Variants in STAG1 observed in about 807,000 individuals in gnomAD.
STAG1 encodes the protein cohesin subunit SA-1.
In STAG1, 26 loss-of-function variants were observed where a neutral mutation model predicts 170.9. That is an observed-to-expected ratio of 0.15 (90% CI 0.11 to 0.21). The LOEUF is 0.21. Among genes scored for constraint, STAG1 ranks in the 10% least tolerant of loss-of-function variants. The probability of loss-of-function intolerance (pLI) is 1.00; values close to 1 mark genes in which losing one functional copy is unlikely to be tolerated. For missense variants in STAG1, 964 were observed against 1,509.5 expected, an observed-to-expected ratio of 0.64 and a Z score of 5.99; for synonymous variants, 514 against 497.7, an observed-to-expected ratio of 1.03 and a Z score of -0.44.
intron 5 of STAG1, among the ~76,000 whole-genome samples, chr3:136,553,010 C>T (rs1429983040): frequency 1.3e-5 from 2 of 151,902 alleles, no homozygotes; most frequent in Non-Finnish European, 2.9e-5. Context: ...AAAAACAAGA[C>T]CACAGAAACA....
At chr3:136,568,935 TTGTG>T in intron 4 of STAG1, 74 bp from the exon 5 acceptor site, 1 of 996,304 alleles carries the variant, frequency 1.0e-6, no homozygotes, top group Non-Finnish European at 1.5e-6. Context: ...TCAAAAAAGT[TTGTG>T]TGTTTGTGTG....
intron 1 of STAG1, among the ~76,000 whole-genome samples, chr3:136,646,695 C>G (rs1160411679): frequency 2.6e-5 from 4 of 152,096 alleles, no homozygotes; most frequent in Admixed American, 6.6e-5. Context: ...ATCACGAGGT[C>G]AGGAGTTCAA....
chr3:136,561,603 A>G (rs1936842475), intron 5 of STAG1, among the ~76,000 whole-genome samples: 1 of 152,222 alleles, frequency 6.6e-6, no homozygotes, highest in Non-Finnish European at 1.5e-5. Context: ...TAGTTTTGCA[A>G]ACTGATTCTC....
intron 1 of STAG1, among the ~76,000 whole-genome samples, chr3:136,662,941 C>G (rs1326794183): frequency 6.6e-6 from 1 of 152,054 alleles, no homozygotes; most frequent in Admixed American, 6.6e-5. Flanking sequence ...ATCCCAGCTA[C>G]TTGGGAGGCT....
intron 28 of STAG1, among the ~76,000 whole-genome samples, chr3:136,354,098 C>T (rs1380497432): frequency 6.6e-6 from 1 of 152,134 alleles, no homozygotes; most frequent in Admixed American, 6.5e-5. Flanking sequence ...TCTATAAATA[C>T]ATACTGGCTT....
At chr3:136,380,103 T>C (rs1026825311) in intron 22 of STAG1, among the ~76,000 whole-genome samples, 1 of 152,174 alleles carries the variant, frequency 6.6e-6, no homozygotes, top group African/African-American at 2.4e-5. Context: ...ATTCCTATTT[T>C]ACAGACAAGA....
intron 1 of STAG1, among the ~76,000 whole-genome samples, chr3:136,741,930 A>G (rs28789998): frequency 1.3e-5 from 2 of 152,248 alleles, no homozygotes; most frequent in Non-Finnish European, 2.9e-5. Context: ...GCAGACTTCA[A>G]GGAAAAGATT....
intron 5 of STAG1, among the ~76,000 whole-genome samples, chr3:136,555,013 A>G (rs1023820270): frequency 1.3e-4 from 19 of 151,244 alleles, no homozygotes; most frequent in African/African-American, 4.4e-4. Flanking sequence ...AAAATTAATG[A>G]AAAGGGACAT....
chr3:136,738,869 TAC>T (rs1934496738), intron 1 of STAG1, among the ~76,000 whole-genome samples: 1 of 152,130 alleles, frequency 6.6e-6, no homozygotes, highest in Non-Finnish European at 1.5e-5. Flanking sequence ...TTCCATAATG[TAC>T]ACATATACCA....
intron 1 of STAG1, among the ~76,000 whole-genome samples, chr3:136,635,670 T>C (rs1431382059): frequency 6.6e-6 from 1 of 151,892 alleles, no homozygotes; most frequent in East Asian, 1.9e-4. Flanking sequence ...AAAGAAGAAA[T>C]AAAACTTTAT....
chr3:136,359,021 A>G (rs1936759709), intron 27 of STAG1, 127 bp downstream of exon 27: 3 of 788,748 alleles, frequency 3.8e-6, no homozygotes, highest in Middle Eastern at 2.6e-4. Context: ...TAGAATCTCT[A>G]AACTAATCTC....
At chr3:136,558,570 T>A (rs568744573) in intron 5 of STAG1, among the ~76,000 whole-genome samples, 4 of 152,236 alleles carry the variant, frequency 2.6e-5, no homozygotes, top group African/African-American at 9.6e-5. Context: ...AAAACCACAA[T>A]CTGATATTTG....
At chr3:136,379,629 A>G (rs534414256) in intron 22 of STAG1, among the ~76,000 whole-genome samples, 1 of 152,232 alleles carries the variant, frequency 6.6e-6, no homozygotes, top group Non-Finnish European at 1.5e-5. Flanking sequence ...GAATGGCTTG[A>G]ATCTGGGAGG....
intron 1 of STAG1, among the ~76,000 whole-genome samples, chr3:136,717,216 T>G (rs553158079): frequency 4.9e-4 from 74 of 152,320 alleles, no homozygotes; most frequent in Non-Finnish European, 3.2e-4. Context: ...CTTATGATAT[T>G]ATAATATCCC....
At chr3:136,540,260 A>T (rs932047514) in intron 6 of STAG1, among the ~76,000 whole-genome samples, 1 of 152,024 alleles carries the variant, frequency 6.6e-6, no homozygotes, top group African/African-American at 2.4e-5. Context: ...TCAAATATCT[A>T]GTAAGTATTT....
intron 23 of STAG1, among the ~76,000 whole-genome samples, chr3:136,370,051 CTATA>C (rs1937240325): frequency 0.21 from 54 of 252 alleles, no homozygotes; most frequent in Middle Eastern, 0.5. Context: ...TATGTATTTA[CTATA>C]CTATACTATA....
At chr3:136,623,309 C>T (rs1939947482) in intron 2 of STAG1, 61 bp from the exon 3 acceptor site, 3 of 1,486,300 alleles carry the variant, frequency 2.0e-6, no homozygotes, top group Non-Finnish European at 2.8e-6. Flanking sequence ...TTCTGTTTCA[C>T]TACTTTCCTT....
At chr3:136,463,735 A>ATGTGTGTGTGTGTGTGTG (rs140989476) in intron 13 of STAG1, among the ~76,000 whole-genome samples, 7 of 101,222 alleles carry the variant, frequency 6.9e-5, no homozygotes, top group African/African-American at 1.7e-4. Context: ...AAATGTGTAT[A>ATGTGTGTGTGTGTGTGTG]TGTGTGTGTG....
chr3:136,595,698 A>G (rs1309049960), intron 4 of STAG1, among the ~76,000 whole-genome samples: 1 of 148,300 alleles, frequency 6.7e-6, no homozygotes, highest in African/African-American at 2.5e-5. Flanking sequence ...AAATAAATAA[A>G]TAAATAAATA....
Sources: allele counts gnomAD v4.1 joint callset (sites outside exome capture counted in the v4.1 genomes callset), GRCh38; gene constraint gnomAD v4.1.1; transcripts MANE v1.5; gene names NCBI Gene and HGNC (gene_info 2026-07-23, HGNC 2026-07-21).